KIF1B: variants seen among roughly 807,000 people sequenced by gnomAD.
KIF1B encodes kinesin-like protein KIF1B.
A neutral mutation model predicts 241.9 loss-of-function variants in KIF1B; 76 were observed. That is an observed-to-expected ratio of 0.31 (90% confidence interval 0.26 to 0.38). The LOEUF (loss-of-function observed/expected upper bound fraction) is 0.38. Ranked by LOEUF, KIF1B falls within the 10% of genes least tolerant of loss-of-function variation. The pLI is 1.00. For missense variants in KIF1B, 1,622 were observed against 2,271.4 expected (o/e 0.71, Z 5.81); for synonymous variants, 750 against 796.7 (o/e 0.94, Z 0.99).
Position 10,284,431 on chromosome 1 carries a change from A to G in KIF1B, c.1434+1898A>G, listed in dbSNP as rs541681657. 2.0e-5 allele frequency among the ~76,000 whole-genome samples: 3 copies of G among 152,256 alleles called. No homozygotes were observed. The South Asian group carries it at 6.2e-4, about 32-fold the overall frequency. On this transcript the variant is annotated intron_variant, in intron 15 of 48. Coordinates refer to ENST00000676179, the MANE Select transcript of KIF1B (RefSeq NM_001365951.3). ...CCGGGCTTAGTGGCTCATGCCTGTA[A>G]TCCCAGCACTTTGGGAGGCTGAGGC...
chr1:10,267,623 T>C (rs1230431330), intron 6 of KIF1B, 65 bp downstream of exon 6: 1 of 1,533,288 alleles, frequency 6.5e-7, no homozygotes, highest in Non-Finnish European at 9.0e-7. Context: ...TTTTCCCAGT[T>C]AAGGGTTTGA....
chr1:10,342,211 AT>A, intron 33 of KIF1B, 43 bp downstream of exon 33: 2 of 1,229,262 alleles, frequency 1.6e-6, no homozygotes, highest in Non-Finnish European at 2.4e-6. Context: ...TATTGTTTTG[AT>A]TTTTAGTTTC....
Position 10,219,853 on chromosome 1 carries a change from C to A in KIF1B, c.-80+8975C>A, listed in dbSNP as rs61775875. Among the ~76,000 whole-genome samples, 1,214 of 152,086 alleles carry A rather than the reference C, an allele frequency of 8.0e-3. 16 individuals carry two copies. The highest frequency in any genetic ancestry group is 0.027 in the African/African-American group (1,125 of 41,516). ...GAGGCCTAGGTGAGAGGATTGCTTG[C>A]GCCCAATAGTTCGGTATCAGCCTGG... On this transcript the variant is annotated intron_variant, in intron 1 of 48. Transcript: ENST00000676179.
Position 10,378,230 on chromosome 1 carries a change from G to A in KIF1B, c.*1643G>A, listed in dbSNP as rs1638937437. Reference sequence around the variant, plus strand: ...CACGGATGAACGTCCAGGGAGCCCGGGCCCCAGGCTTTGTTGCGTGTTCCC... The same window carrying A: ...CACGGATGAACGTCCAGGGAGCCCGAGCCCCAGGCTTTGTTGCGTGTTCCC... On this transcript the variant is annotated 3_prime_UTR_variant, in exon 49 of 49. Transcript: ENST00000676179. The A allele has an allele frequency of 1.4e-6, 1 of 694,232 alleles. No individual in the cohort carries two copies. The highest frequency in any genetic ancestry group is 2.2e-5 in the Admixed American group (1 of 46,152). The allele number at this position is 694,232 out of a possible 1,614,324, so 43.0% of individuals were successfully genotyped here. A position where few individuals can be genotyped will look rare whatever the true frequency, so the allele number is the denominator to read the frequency against.
chr1:10,275,053 A>G (rs1649026939), intron 10 of KIF1B: 1 of 332,632 alleles, frequency 3.0e-6, no homozygotes, highest in Admixed American at 4.6e-5. Context: ...GTAAATGGAG[A>G]TGAGGTCCGC....
chr1:10,345,474 G>A (rs893161857), intron 34 of KIF1B: 7 of 302,398 alleles, frequency 2.3e-5, no homozygotes, highest in Admixed American at 4.9e-5. Flanking sequence ...CCCCTGTGAC[G>A]TGAGGCTTTC....
intron 2 of KIF1B, among the ~76,000 whole-genome samples, chr1:10,250,685 G>A (rs2102169847): frequency 6.6e-6 from 1 of 152,256 alleles, no homozygotes; most frequent in South Asian, 2.1e-4. Context: ...ATTTGGCTTG[G>A]CATGGTAGTG....
At position 10,326,331 on chromosome 1, in the gene KIF1B, C is replaced by T. The variant is rs908454234; in HGVS notation, c.2896C>T (p.Arg966Ter). ...FSDGHDPFYDRSPWFILVGRA... is the reference protein window; with the variant it reads ...FSDGHDPFYD ...TGACGGGCATGACCCGTTTTACGACCGATCCCCTTGGTTCATTTTAGTGGG... is the reference window on the plus strand; with the variant it reads ...TGACGGGCATGACCCGTTTTACGACTGATCCCCTTGGTTCATTTTAGTGGG... Residue 966 changes from arginine to a stop codon, truncating the protein, a stop_gained, in exon 27 of 49, where the codon CGA becomes TGA. Transcript: ENST00000676179. LOFTEE classifies it high-confidence loss of function. This position sits in a 1 kb window ranked among gnomAD's most constrained non-coding sequence, Gnocchi z 5.2. The T allele has an allele frequency of 6.2e-7, 1 of 1,614,166 alleles. No homozygotes were observed. The highest frequency in any genetic ancestry group is 8.5e-7 in the Non-Finnish European group (1 of 1,180,036).
chr1:10,281,883 T>C (rs1649421437), intron 14 of KIF1B, among the ~76,000 whole-genome samples: 1 of 152,258 alleles, frequency 6.6e-6, no homozygotes, highest in Non-Finnish European at 1.5e-5. Context: ...TGGATTATTA[T>C]TGATAAATAA....
At chr1:10,258,781 G>A in intron 4 of KIF1B, 109 bp downstream of exon 4, 1 of 1,117,808 alleles carries the variant, frequency 8.9e-7, no homozygotes, top group Non-Finnish European at 1.3e-6. Context: ...ATTGTTTTAT[G>A]TCAGGCACAA....
chr1:10,263,419 C>T (rs1296254467), intron 5 of KIF1B, among the ~76,000 whole-genome samples: 1 of 150,906 alleles, frequency 6.6e-6, no homozygotes, highest in African/African-American at 2.4e-5. Flanking sequence ...TGTTCTGTTA[C>T]CATGAGTCTG....
At chr1:10,257,923 C>T (rs1027182925) in intron 3 of KIF1B, among the ~76,000 whole-genome samples, 3 of 152,124 alleles carry the variant, frequency 2.0e-5, no homozygotes, top group Non-Finnish European at 2.9e-5. Context: ...GTGATCTGCC[C>T]GCCTTGGCCT....
chr1:10,278,671 G>A (rs1247877644), intron 13 of KIF1B: 1 of 180,596 alleles, frequency 5.5e-6, no homozygotes, highest in Non-Finnish European at 1.2e-5. Context: ...TTCCTATGAA[G>A]TTCAAGAACT....
chr1:10,373,069 C>T (rs1328382766), intron 45 of KIF1B, among the ~76,000 whole-genome samples: 1 of 152,004 alleles, frequency 6.6e-6, no homozygotes. Context: ...CCCGCCTCGA[C>T]CTCCCAAAGT....
rs1400237234 is a variant in KIF1B, at chr1:10,256,243, C to G, written c.107-4C>G. ...TTATAAAATGAAACATTTTTATCTTCTAGGTATTATTAACCCAAAGAATCC... is the reference window on the plus strand; with the variant it reads ...TTATAAAATGAAACATTTTTATCTTGTAGGTATTATTAACCCAAAGAATCC... On this transcript the variant is annotated splice_polypyrimidine_tract_variant and splice_region_variant and intron_variant, in intron 2 of 48. Coordinates refer to ENST00000676179, the MANE Select transcript of KIF1B (RefSeq NM_001365951.3). The G allele has an allele frequency of 1.9e-6, 3 of 1,577,970 alleles. No individual in the cohort carries two copies. Among genetic ancestry groups the G allele is most frequent in the African/African-American group, 2.7e-5 (2 of 74,318 alleles).
chr1:10,304,888 G>A (rs1254247697), intron 22 of KIF1B: 3 of 1,367,000 alleles, frequency 2.2e-6, no homozygotes, highest in African/African-American at 1.5e-5. Flanking sequence ...TTTCTGAAAC[G>A]TTCCTCCTTT....
At chr1:10,232,183 A>G (rs762646530) in intron 1 of KIF1B, 67 bp from the exon 2 acceptor site, 1 of 645,128 alleles carries the variant, frequency 1.6e-6, no homozygotes, top group Non-Finnish European at 2.8e-6. Flanking sequence ...AGTAGTTCTT[A>G]TGCTTAAGTT....
Position 10,232,262 on chromosome 1 carries a change from T to A in KIF1B, c.-67T>A, listed in dbSNP as rs1646993123. On this transcript the variant is annotated 5_prime_UTR_variant, in exon 2 of 49. Coordinates refer to ENST00000676179, the MANE Select transcript of KIF1B (RefSeq NM_001365951.3). ...TTTCTTTTCAAAGGAAACTTGGCTG[T>A]AACTTCAAAAGAAGATTTGATTCTT... 1.6e-6 allele frequency: 2 copies of A among 1,268,884 alleles called. No homozygotes were observed. The highest frequency in any genetic ancestry group is 2.3e-6 in the Non-Finnish European group (2 of 887,774). The allele number at this position is 1,268,884 out of a possible 1,614,324, so 78.6% of individuals were successfully genotyped here. A position where few individuals can be genotyped will look rare whatever the true frequency, so the allele number is the denominator to read the frequency against.
At chr1:10,373,557 AGAAT>A (rs753194827) in intron 45 of KIF1B, among the ~76,000 whole-genome samples, 1 of 152,006 alleles carries the variant, frequency 6.6e-6, no homozygotes, top group Non-Finnish European at 1.5e-5. Flanking sequence ...AAAAAAAAAA[AGAAT>A]GAAGTATGAG....
Sources: gnomAD v4.1 joint callset for allele counts (sites outside exome capture counted in the v4.1 genomes callset) on GRCh38, gnomAD v4.1.1 for gene constraint, Gnocchi (gnomAD v3.1) non-coding constraint, MANE v1.5 for transcripts, NCBI Gene and HGNC (gene_info 2026-07-23, HGNC 2026-07-21) for gene names.